The following ATAD2B variants were observed in gnomAD, a reference collection of about 807,000 sequenced individuals.
ATAD2B encodes ATPase family AAA domain containing 2B.
Under a neutral mutation model 167.6 loss-of-function variants are expected in ATAD2B, and 40 were observed. That is an observed-to-expected ratio of 0.24 (90% CI 0.19 to 0.31). ATAD2B has a LOEUF of 0.31. Among genes scored for constraint, ATAD2B ranks in the 10% least tolerant of loss-of-function variants. The pLI is 1.00. For synonymous variants in ATAD2B, 579 were observed against 596.5 expected (o/e 0.97, Z 0.43); for missense variants, 1,242 against 1,757.2 (o/e 0.71, Z 5.24).
chr2:23,916,748 T>C (rs185563742), intron 1 of ATAD2B, among the ~76,000 whole-genome samples: 59 of 152,306 alleles, frequency 3.9e-4, no homozygotes, highest in Middle Eastern at 6.8e-3. Context: ...GATATAATGA[T>C]TAAACAAAAT....
At chr2:23,831,480 A>T (rs1689065669) in intron 14 of ATAD2B, among the ~76,000 whole-genome samples, 1 of 152,204 alleles carries the variant, frequency 6.6e-6, no homozygotes, top group Non-Finnish European at 1.5e-5. Flanking sequence ...TTAATGACCC[A>T]AATGGGTCCT....
In ATAD2B at chr2:23,823,425, T is replaced by C; in HGVS notation, c.1964A>G (p.His655Arg). Residue 655 changes from histidine to arginine, a missense_variant, in exon 16 of 28, where the codon CAT becomes CGT. Physicochemically the swap from His to Arg is conservative, Grantham distance 29. This residue lies in a region of ATAD2B where 145 missense variants were observed against 181.9 expected (regional missense o/e 0.80). Coordinates refer to ENST00000238789, the MANE Select transcript of ATAD2B (RefSeq NM_017552.4). ...AGCAGGCACGATATTCTGCATTGCA[T>C]GGTAAAAATCTTGGGCACTAAGCAC... is the stretch of plus-strand genomic sequence containing the variant. ...SIVLSAQDFY[H>R]AMQNIVPASQ... The C allele has an allele frequency of 1.2e-6, 2 of 1,613,992 alleles. No individual in the cohort carries two copies. Among genetic ancestry groups the C allele is most frequent in the Non-Finnish European group, 1.7e-6 (2 of 1,179,900 alleles).
Position 23,896,153 on chromosome 2 carries a change from C to CA in ATAD2B, c.217-184dup, listed in dbSNP as rs1158562523. On this transcript the variant is annotated intron_variant, in intron 1 of 27. Coordinates refer to ENST00000238789, the MANE Select transcript of ATAD2B (RefSeq NM_017552.4). ...CAACATGGTGAAACCCCGCCTCTAC[C>CA]AAAAAAAAAAAAAAAAAATTAGCTG... 7.7e-3 allele frequency among the ~76,000 whole-genome samples: 972 copies of CA among 125,584 alleles called. 10 individuals are homozygous for CA. Among genetic ancestry groups the CA allele is most frequent in the Middle Eastern group, 0.051 (13 of 254 alleles). 82.4% of individuals were successfully genotyped at this position (125,584 alleles called of 152,430 possible). A position where few individuals can be genotyped will look rare whatever the true frequency, so the allele number is the denominator to read the frequency against.
At chr2:23,764,910 C>A (rs534375530) in intron 23 of ATAD2B, among the ~76,000 whole-genome samples, 8 of 152,218 alleles carry the variant, frequency 5.3e-5, no homozygotes, top group Non-Finnish European at 1.0e-4. Context: ...TCACTCCTTA[C>A]TCTGATCAAA....
chr2:23,735,135 A>C, the ATAD2B span, among the ~76,000 whole-genome samples: 2 of 152,320 alleles, frequency 1.3e-5, no homozygotes, highest in South Asian at 4.1e-4. Context: ...TGTCCTCCAT[A>C]ATAAGACCCC....
At chr2:23,908,580 G>A (rs868322001) in intron 1 of ATAD2B, among the ~76,000 whole-genome samples, 4 of 152,134 alleles carry the variant, frequency 2.6e-5, no homozygotes, top group Admixed American at 1.3e-4. Context: ...TCAGTGTGGC[G>A]ATTCCTCAGG....
At chr2:23,881,786 C>T (rs1409221953) in intron 6 of ATAD2B, among the ~76,000 whole-genome samples, 5 of 151,578 alleles carry the variant, frequency 3.3e-5, no homozygotes, top group Non-Finnish European at 2.9e-5. Context: ...TGCAATGGCG[C>T]GATCTCAGCT....
Position 23,832,164 on chromosome 2 carries a change from A to G in ATAD2B, c.1728+1755T>C, listed in dbSNP as rs145843166. The G allele has an allele frequency of 2.6e-3, 1,215 of 460,716 alleles. 7 individuals carry two copies. Among genetic ancestry groups the G allele is most frequent in the African/African-American group, 0.023 (1,120 of 49,654 alleles). The allele number at this position is 460,716 out of a possible 1,614,324, so 28.5% of individuals were successfully genotyped here. A position where few individuals can be genotyped will look rare whatever the true frequency, so the allele number is the denominator to read the frequency against. ...CCCTCCTCATTGATACATTTTCTTCACTTGGCTACCAGAACACCCCACTGT... is the reference window on the plus strand; with the variant it reads ...CCCTCCTCATTGATACATTTTCTTCGCTTGGCTACCAGAACACCCCACTGT... On this transcript the variant is annotated intron_variant, in intron 14 of 27. Coordinates refer to ENST00000238789, the MANE Select transcript of ATAD2B (RefSeq NM_017552.4).
At chr2:23,818,141 CAGAGAG>C (rs746020532) in intron 17 of ATAD2B, among the ~76,000 whole-genome samples, 1 of 94,584 alleles carries the variant, frequency 1.1e-5, no homozygotes. Flanking sequence ...CACACACACA[CAGAGAG>C]AGAGAAGGAG....
intron 22 of ATAD2B, among the ~76,000 whole-genome samples, chr2:23,773,495 C>A (rs1678653361): frequency 6.6e-6 from 1 of 152,052 alleles, no homozygotes; most frequent in Non-Finnish European, 1.5e-5. Context: ...GCATTCCAGA[C>A]TAGGCAACAG....
At chr2:23,702,631 T>G in the ATAD2B span, among the ~76,000 whole-genome samples, 1 of 152,204 alleles carries the variant, frequency 6.6e-6, no homozygotes, top group Admixed American at 6.5e-5. Context: ...TCCAGAAAGC[T>G]AATATGACCT....
At chr2:23,764,233 G>A (rs1677115684) in intron 23 of ATAD2B, among the ~76,000 whole-genome samples, 1 of 152,126 alleles carries the variant, frequency 6.6e-6, no homozygotes, top group African/African-American at 2.4e-5. Context: ...TCCTACCCTG[G>A]CACATTGAAA....
At chr2:23,767,911 A>AC (rs150751248) in intron 22 of ATAD2B, among the ~76,000 whole-genome samples, 13,386 of 152,066 alleles carry the variant, frequency 0.088, 671 homozygotes, top group Middle Eastern at 0.12. Flanking sequence ...AAACAAACAA[A>AC]AAAAAAAACA....
At chr2:23,799,510 T>A (rs1278305738) in intron 18 of ATAD2B, among the ~76,000 whole-genome samples, 1 of 136,722 alleles carries the variant, frequency 7.3e-6, no homozygotes, top group Non-Finnish European at 1.6e-5. Context: ...GAGGTGGAGG[T>A]TGCAGTGAGC....
intron 22 of ATAD2B, among the ~76,000 whole-genome samples, chr2:23,769,979 C>T (rs1199069356): frequency 6.6e-6 from 1 of 151,554 alleles, no homozygotes; most frequent in Non-Finnish European, 1.5e-5. Flanking sequence ...CAACTGTACC[C>T]GGCCTCACTG....
intron 24 of ATAD2B, among the ~76,000 whole-genome samples, chr2:23,759,696 T>TA (rs1676411872): frequency 6.6e-6 from 1 of 152,242 alleles, no homozygotes; most frequent in South Asian, 2.1e-4. Context: ...TAACTCTTCA[T>TA]TCTTTTCCCC....
chr2:23,867,709 A>C, intron 10 of ATAD2B, 126 bp downstream of exon 10: 2 of 653,760 alleles, frequency 3.1e-6, no homozygotes, highest in Non-Finnish European at 5.2e-6. Flanking sequence ...AGGTTTCAAA[A>C]CATATACATC....
At chr2:23,908,891 A>T (rs1701851393) in intron 1 of ATAD2B, among the ~76,000 whole-genome samples, 1 of 151,108 alleles carries the variant, frequency 6.6e-6, no homozygotes, top group Non-Finnish European at 1.5e-5. Flanking sequence ...GCAAGAAAAA[A>T]AAAAACAAAC....
At chr2:23,889,110 G>A (rs1021788766) in intron 2 of ATAD2B, among the ~76,000 whole-genome samples, 11 of 152,120 alleles carry the variant, frequency 7.2e-5, no homozygotes, top group Admixed American at 5.9e-4. Context: ...TATTAGTTTC[G>A]AAGATTAAAA....
Sources: gnomAD v4.1 joint callset for allele counts (sites outside exome capture counted in the v4.1 genomes callset) on GRCh38, gnomAD v4.1.1 for gene constraint, gnomAD v4.1.1 regional missense constraint, MANE v1.5 for transcripts, NCBI Gene and HGNC (gene_info 2026-07-23, HGNC 2026-07-21) for gene names.